C9orf85: variants seen among roughly 807,000 people sequenced by gnomAD.
The protein encoded by C9orf85 is chromosome 9 open reading frame 85.
C9orf85 carries 16 observed loss-of-function variants against 14.9 expected under a neutral mutation model. The observed-to-expected ratio is 1.08, with a 90% CI of 0.73 to 1.63. The LOEUF is 1.63. Among genes scored for constraint, C9orf85 ranks in the 40% most tolerant of loss-of-function variants. C9orf85 has a pLI of 0.00. For missense variants in C9orf85, 172 were observed against 186.1 expected, an observed-to-expected ratio of 0.92 and a Z score of 0.44; for synonymous variants, 45 against 56.8, an observed-to-expected ratio of 0.79 and a Z score of 0.93.
chr9:71,966,022 G>T (rs1197301077), intron 2 of C9orf85, among the ~76,000 whole-genome samples: 1 of 152,152 alleles, frequency 6.6e-6, no homozygotes, highest in East Asian at 1.9e-4. Context: ...AGGAGTATGC[G>T]CCTGTAACAA....
chr9:71,964,355 T>C (rs1822624308), intron 2 of C9orf85, among the ~76,000 whole-genome samples: 1 of 151,964 alleles, frequency 6.6e-6, no homozygotes. Context: ...CCTTCCACAC[T>C]GTGGAAGCTT....
At chr9:71,964,685 G>A (rs1822639723) in intron 2 of C9orf85, among the ~76,000 whole-genome samples, 1 of 152,146 alleles carries the variant, frequency 6.6e-6, no homozygotes. Flanking sequence ...GAGGGTCCAT[G>A]GCTTCATTCT....
intron 2 of C9orf85, among the ~76,000 whole-genome samples, chr9:71,970,735 A>G (rs562040446): frequency 2.0e-5 from 3 of 152,172 alleles, no homozygotes; most frequent in Non-Finnish European, 4.4e-5. Flanking sequence ...AATTTCTGCA[A>G]AAAAAGCCAG....
chr9:71,978,171 G>A (rs371283655), downstream of C9orf85, among the ~76,000 whole-genome samples: 144 of 152,250 alleles, frequency 9.5e-4, no homozygotes, highest in African/African-American at 2.2e-3. Context: ...GTGCAGTGGC[G>A]CGATCTCAGC....
intron 1 of C9orf85, among the ~76,000 whole-genome samples, chr9:71,926,300 C>G (rs1418202128): frequency 6.6e-6 from 1 of 152,118 alleles, no homozygotes; most frequent in Non-Finnish European, 1.5e-5. Flanking sequence ...ACCACATGTC[C>G]CTATCGAGCA....
intron 2 of C9orf85, among the ~76,000 whole-genome samples, chr9:71,967,140 T>C (rs117507286): frequency 0.046 from 6,968 of 152,336 alleles, 230 homozygotes; most frequent in Non-Finnish European, 0.071. Flanking sequence ...TTTGTTGTTG[T>C]AGATAAGATG....
At chr9:71,974,717 T>C (rs1822971414), downstream of C9orf85, among the ~76,000 whole-genome samples, 1 of 152,240 alleles carries the variant, frequency 6.6e-6, no homozygotes, top group Non-Finnish European at 1.5e-5. Flanking sequence ...TCACTTTTGC[T>C]ATGTAAAACA....
At chr9:71,953,335 A>G (rs1822296579) in intron 2 of C9orf85, among the ~76,000 whole-genome samples, 1 of 152,212 alleles carries the variant, frequency 6.6e-6, no homozygotes, top group East Asian at 1.9e-4. Flanking sequence ...CCATGAATAC[A>G]ACAGGCTAAA....
At chr9:71,914,155 A>G (rs1285340664) in intron 1 of C9orf85, among the ~76,000 whole-genome samples, 1 of 152,200 alleles carries the variant, frequency 6.6e-6, no homozygotes, top group Non-Finnish European at 1.5e-5. Context: ...CCTGTTCTTT[A>G]CACTGGAAAG....
chr9:71,938,139 T>C (rs572194400), intron 1 of C9orf85, among the ~76,000 whole-genome samples: 256 of 152,230 alleles, frequency 1.7e-3, no homozygotes, highest in Non-Finnish European at 3.2e-3. Context: ...ACATGCAAAT[T>C]ATTACTTCAT....
At chr9:71,952,675 A>G (rs1822280790) in intron 2 of C9orf85, among the ~76,000 whole-genome samples, 1 of 152,012 alleles carries the variant, frequency 6.6e-6, no homozygotes, top group East Asian at 1.9e-4. Context: ...GCCTGCCTTT[A>G]TTTTTTAATA....
At position 71,919,701 on chromosome 9, in the gene C9orf85, T is replaced by A. The variant is rs188649090; in HGVS notation, c.102+7865T>A. On this transcript the variant is annotated intron_variant, in intron 1 of 3. Transcript: ENST00000334731. Reference sequence around the variant, plus strand: ...TTTTCCTTTGTGCCCTTTTCAATGCTTTGAAGAATTGTAATCCGTACTATT... The same window carrying A: ...TTTTCCTTTGTGCCCTTTTCAATGCATTGAAGAATTGTAATCCGTACTATT... Among the ~76,000 whole-genome samples the A allele has an allele frequency of 2.0e-5, 3 of 152,320 alleles. No homozygotes were observed. The East Asian group carries it at 5.8e-4, about 29-fold the overall frequency.
chr9:71,962,228 T>C (rs1412774391), intron 2 of C9orf85, among the ~76,000 whole-genome samples: 2 of 152,214 alleles, frequency 1.3e-5, no homozygotes, highest in African/African-American at 4.8e-5. Flanking sequence ...AGGTAGTATA[T>C]ATAGCCTCTT....
At chr9:71,977,216 T>TAAAA (rs140317277), downstream of C9orf85, among the ~76,000 whole-genome samples, 1 of 150,014 alleles carries the variant, frequency 6.7e-6, no homozygotes, top group African/African-American at 2.4e-5. Flanking sequence ...TCTTTTGTTG[T>TAAAA]AAAAAAAAAA....
chr9:71,970,889 C>T (rs774273411), intron 2 of C9orf85, among the ~76,000 whole-genome samples: 33 of 149,302 alleles, frequency 2.2e-4, no homozygotes, highest in Non-Finnish European at 4.6e-4. Flanking sequence ...TACTGTGGCA[C>T]ATCTCCCAGG....
intron 2 of C9orf85, among the ~76,000 whole-genome samples, chr9:71,952,737 T>C (rs751324199): frequency 2.6e-4 from 39 of 152,302 alleles, no homozygotes; most frequent in Admixed American, 6.5e-5. Context: ...CTGAAATGCC[T>C]ATGCTGGTAC....
At chr9:71,951,722 T>C (rs1028776373) in intron 2 of C9orf85, among the ~76,000 whole-genome samples, 3 of 152,280 alleles carry the variant, frequency 2.0e-5, no homozygotes, top group Admixed American at 1.3e-4. Context: ...TGCCTTGTTT[T>C]TTACTTTTGA....
intron 2 of C9orf85, among the ~76,000 whole-genome samples, chr9:71,970,927 G>A (rs1227535503): frequency 6.7e-6 from 1 of 150,344 alleles, no homozygotes; most frequent in Non-Finnish European, 1.5e-5. Flanking sequence ...CTAAATTTGT[G>A]TATTTTTAGT....
downstream of C9orf85, among the ~76,000 whole-genome samples, chr9:71,974,565 T>G (rs1411034555): frequency 6.6e-6 from 1 of 152,208 alleles, no homozygotes; most frequent in Non-Finnish European, 1.5e-5. Flanking sequence ...TTTCTAACAT[T>G]GAGAGACATT....
Sources: gnomAD v4.1 joint callset for allele counts (sites outside exome capture counted in the v4.1 genomes callset) on GRCh38, gnomAD v4.1.1 for gene constraint, MANE v1.5 for transcripts, NCBI Gene and HGNC (gene_info 2026-07-23, HGNC 2026-07-21) for gene names.